The following GRIA1 variants were observed in gnomAD, a reference collection of about 807,000 sequenced individuals.
The protein encoded by GRIA1 is glutamate receptor 1.
GRIA1 carries 31 observed loss-of-function variants against 99.2 expected under a neutral mutation model. The ratio of observed to expected loss-of-function variants is 0.31; its 90% CI spans 0.23 to 0.42. GRIA1 has a LOEUF of 0.42. GRIA1 is among the 10% of genes least tolerant of loss of function. The pLI, the probability that GRIA1 is intolerant of heterozygous loss-of-function variation, is 1.00. For missense variants in GRIA1, 782 were observed against 1,157.5 expected, an observed-to-expected ratio of 0.68 and a Z score of 4.71; for synonymous variants, 438 against 432.4, an observed-to-expected ratio of 1.01 and a Z score of -0.16.
intron 5 of GRIA1, among the ~76,000 whole-genome samples, chr5:153,668,793 G>A (rs779111642): frequency 1.2e-4 from 19 of 152,160 alleles, no homozygotes; most frequent in Non-Finnish European, 2.5e-4. Context: ...ACAAATATTC[G>A]TTCAAGAAAG....
intron 13 of GRIA1, among the ~76,000 whole-genome samples, chr5:153,783,443 A>G (rs1049681755): frequency 6.6e-6 from 1 of 152,162 alleles, no homozygotes; most frequent in African/African-American, 2.4e-5. Flanking sequence ...TGAACTGTTG[A>G]CACCTGCTTC....
At chr5:153,619,360 T>C (rs977875216) in intron 2 of GRIA1, among the ~76,000 whole-genome samples, 2 of 152,196 alleles carry the variant, frequency 1.3e-5, no homozygotes, top group Non-Finnish European at 2.9e-5. Context: ...GCCAGTCATT[T>C]CGAGTTGAGA....
At chr5:153,533,920 C>T (rs1758315602) in intron 2 of GRIA1, among the ~76,000 whole-genome samples, 2 of 152,198 alleles carry the variant, frequency 1.3e-5, no homozygotes, top group Non-Finnish European at 2.9e-5. Flanking sequence ...ATAACTCACC[C>T]ATGGTCACCT....
chr5:153,630,027 C>A (rs1277745333), intron 2 of GRIA1, among the ~76,000 whole-genome samples: 2 of 152,266 alleles, frequency 1.3e-5, no homozygotes, highest in Admixed American at 6.5e-5. Context: ...ATCAGACATA[C>A]AGGGGTTTGA....
At chr5:153,579,715 G>C (rs1762877719) in intron 2 of GRIA1, among the ~76,000 whole-genome samples, 1 of 152,100 alleles carries the variant, frequency 6.6e-6, no homozygotes, top group Non-Finnish European at 1.5e-5. Flanking sequence ...AGGTAGAGTA[G>C]GAGTATTCCA....
chr5:153,628,818 G>A (rs1421453183), intron 2 of GRIA1, among the ~76,000 whole-genome samples: 1 of 152,018 alleles, frequency 6.6e-6, no homozygotes, highest in Admixed American at 6.6e-5. Flanking sequence ...TCCTACCTTG[G>A]ATGGTCCACT....
At chr5:153,651,007 A>T (rs1219916253) in intron 4 of GRIA1, among the ~76,000 whole-genome samples, 1 of 151,652 alleles carries the variant, frequency 6.6e-6, no homozygotes, top group Non-Finnish European at 1.5e-5. Flanking sequence ...TGAACCTGGG[A>T]GGTGGAGGTT....
intron 2 of GRIA1, among the ~76,000 whole-genome samples, chr5:153,619,566 A>G (rs1034722549): frequency 6.6e-6 from 1 of 152,282 alleles, no homozygotes; most frequent in African/African-American, 2.4e-5. Flanking sequence ...AATGGAAGGC[A>G]TGGGGTAGGG....
intron 2 of GRIA1, 43 bp downstream of exon 2, chr5:153,494,108 A>G (rs1561583085): frequency 6.3e-7 from 1 of 1,597,510 alleles, no homozygotes; most frequent in East Asian, 2.2e-5. Context: ...TCTGCGCTAG[A>G]CCAATGAAAG....
intron 12 of GRIA1, 120 bp downstream of exon 12, chr5:153,764,752 G>C: frequency 1.5e-6 from 1 of 683,080 alleles, no homozygotes; most frequent in Non-Finnish European, 2.5e-6. Context: ...TTAACTGACT[G>C]TAAGTCAGGG....
At chr5:153,716,578 C>T (rs964106835) in intron 11 of GRIA1, among the ~76,000 whole-genome samples, 2 of 152,066 alleles carry the variant, frequency 1.3e-5, no homozygotes, top group African/African-American at 4.8e-5. Context: ...CATTTTGCCC[C>T]CACCAAGATC....
In GRIA1 at chr5:153,494,041, G is replaced by A. The variant is rs144700432; in HGVS notation, c.196G>A (p.Asp66Asn). ...LPQIDIVNIS[D>N]SFEMTYRFCS... is the part of the protein sequence containing the mutation. ...CCAGATTGATATTGTGAACATCAGC[G>A]ACAGCTTTGAGATGACCTATAGATG... is the stretch of plus-strand genomic sequence containing the variant. The change falls in exon 2 of 16, where the codon GAC becomes AAC. Residue 66 changes from aspartate to asparagine, a missense_variant. Asp to Asn is a conservative substitution (Grantham distance 23). Transcript: ENST00000285900. 1.4e-5 allele frequency: 22 copies of A among 1,613,840 alleles called. No homozygotes were observed. The East Asian group carries it at 2.2e-4, about 16-fold the overall frequency.
At chr5:153,637,420 A>G (rs1242101548) in intron 2 of GRIA1, among the ~76,000 whole-genome samples, 1 of 152,150 alleles carries the variant, frequency 6.6e-6, no homozygotes, top group Non-Finnish European at 1.5e-5. Flanking sequence ...TGACTCTATG[A>G]CTGTTCTTAG....
chr5:153,500,351 A>G (rs921962052), intron 2 of GRIA1, among the ~76,000 whole-genome samples: 4 of 151,978 alleles, frequency 2.6e-5, no homozygotes. Context: ...CCCACTCCAT[A>G]CCTTTGTAGA....
intron 5 of GRIA1, among the ~76,000 whole-genome samples, chr5:153,667,664 A>C (rs888833726): frequency 1.3e-5 from 2 of 152,214 alleles, no homozygotes; most frequent in African/African-American, 4.8e-5. Flanking sequence ...CATTTTGAAG[A>C]CCAGAGAACT....
intron 2 of GRIA1, among the ~76,000 whole-genome samples, chr5:153,606,099 G>C (rs1173155228): frequency 6.6e-6 from 1 of 152,002 alleles, no homozygotes; most frequent in Non-Finnish European, 1.5e-5. Flanking sequence ...TGATCCATCT[G>C]GTACTGATTT....
At chr5:153,770,501 A>G (rs1763805139) in intron 13 of GRIA1, 86 bp downstream of exon 13, 1 of 1,258,314 alleles carries the variant, frequency 7.9e-7, no homozygotes, top group Non-Finnish European at 1.1e-6. Flanking sequence ...ACAAGCCTCC[A>G]ATGCCACAAT....
At chr5:153,702,276 C>T (rs549082676) in intron 10 of GRIA1, among the ~76,000 whole-genome samples, 1 of 152,232 alleles carries the variant, frequency 6.6e-6, no homozygotes, top group African/African-American at 2.4e-5. Context: ...GTGCCTCCTT[C>T]ACAGCTGTCT....
At chr5:153,516,124 G>A (rs141335359) in intron 2 of GRIA1, among the ~76,000 whole-genome samples, 379 of 152,202 alleles carry the variant, frequency 2.5e-3, no homozygotes, top group African/African-American at 8.6e-3. Flanking sequence ...GAAGGCTAAG[G>A]CAGGAGAATC....
Sources: allele counts gnomAD v4.1 joint callset (sites outside exome capture counted in the v4.1 genomes callset), GRCh38; gene constraint gnomAD v4.1.1; transcripts MANE v1.5; gene names NCBI Gene and HGNC (gene_info 2026-07-23, HGNC 2026-07-21).